SH3GL3: variants seen among roughly 807,000 people sequenced by gnomAD.
The protein encoded by SH3GL3 is endophilin-A3.
In SH3GL3, 33 loss-of-function variants were observed where a neutral mutation model predicts 47.7. That is an observed-to-expected ratio of 0.69 (90% CI 0.52 to 0.92). The LOEUF (loss-of-function observed/expected upper bound fraction) is 0.92. SH3GL3 is among the 40% of genes least tolerant of loss of function. The probability of loss-of-function intolerance (pLI) is 0.00; values close to 1 mark genes in which losing one functional copy is unlikely to be tolerated. For synonymous variants in SH3GL3, 155 were observed against 148.8 expected, an observed-to-expected ratio of 1.04 and a Z score of -0.30; for missense variants, 363 against 417.8, an observed-to-expected ratio of 0.87 and a Z score of 1.14.
At chr15:83,514,369 T>C (rs1431302552) in intron 1 of SH3GL3, among the ~76,000 whole-genome samples, 1 of 151,966 alleles carries the variant, frequency 6.6e-6, no homozygotes, top group Non-Finnish European at 1.5e-5. Context: ...ATATCCACAA[T>C]TTGTTCTCAA....
chr15:83,615,593 T>C (rs2060791350), intron 8 of SH3GL3, among the ~76,000 whole-genome samples: 1 of 152,198 alleles, frequency 6.6e-6, no homozygotes, highest in Non-Finnish European at 1.5e-5. Flanking sequence ...ATTACAGGTG[T>C]GAGCCACCAC....
chr15:83,469,136 CTTA>C (rs972527289), intron 1 of SH3GL3, among the ~76,000 whole-genome samples: 1 of 151,832 alleles, frequency 6.6e-6, no homozygotes, highest in African/African-American at 2.4e-5. Flanking sequence ...ATAGTATTCC[CTTA>C]TTATTGTTTT....
chr15:83,511,155 AG>A (rs1263164350), intron 1 of SH3GL3, among the ~76,000 whole-genome samples: 5 of 150,490 alleles, frequency 3.3e-5, no homozygotes, highest in Non-Finnish European at 7.4e-5. Context: ...AATAAAAAAA[AG>A]AAAGTTGGCC....
At chr15:83,475,081 A>T (rs2041031897) in intron 1 of SH3GL3, among the ~76,000 whole-genome samples, 1 of 151,994 alleles carries the variant, frequency 6.6e-6, no homozygotes, top group African/African-American at 2.4e-5. Context: ...ATTGAGCCTT[A>T]GCTCAATGTA....
chr15:83,582,142 A>G lies in SH3GL3; in HGVS notation c.625-4841A>G, dbSNP rs2059845088. On this transcript the variant is annotated intron_variant, in intron 6 of 8. Transcript: ENST00000427482. The stretch of plus-strand genomic sequence containing the variant: ...CCCATAGGCTTGTTAACACACTGTC[A>G]CCTCTTCTGTCTTTGCAGAGAAGTT... 2.0e-5 allele frequency among the ~76,000 whole-genome samples: 3 copies of G among 152,188 alleles called. No homozygotes were observed. In the South Asian group the frequency reaches 6.2e-4, roughly 32 times the overall value.
chr15:83,615,102 A>C lies in SH3GL3; in HGVS notation c.839-2980A>C, dbSNP rs139010948. Among the ~76,000 whole-genome samples the C allele has an allele frequency of 4.3e-3, 622 of 146,224 alleles. 4 individuals carry two copies. The highest frequency in any genetic ancestry group is 0.016 in the African/African-American group (594 of 37,604). The stretch of plus-strand genomic sequence containing the variant: ...TCAAATAGGATGGCAAAAGTCACTT[A>C]TTAAGAAAAAAAAAAACTCCTAAGA... On this transcript the variant is annotated intron_variant, in intron 8 of 8. Coordinates refer to ENST00000427482, the MANE Select transcript of SH3GL3 (RefSeq NM_003027.5).
intron 8 of SH3GL3, among the ~76,000 whole-genome samples, chr15:83,617,110 A>G (rs1195126472): frequency 6.6e-6 from 1 of 152,172 alleles, no homozygotes; most frequent in Non-Finnish European, 1.5e-5. Context: ...TTCTTTCTCC[A>G]CTTTGCATAC....
rs71156085 is a variant in SH3GL3 at position 83,541,312 on chromosome 15, A to ATTTTTTTTTTTTTTT, written c.46-17916_46-17902dup. Among the ~76,000 whole-genome samples, 11 of 47,362 alleles carry ATTTTTTTTTTTTTTT rather than the reference A, an allele frequency of 2.3e-4. 4 individuals carry two copies. The highest frequency in any genetic ancestry group is 6.1e-4 in the Admixed American group (2 of 3,294). 31.1% of individuals were successfully genotyped at this position (47,362 alleles called of 152,430 possible). ...GATGGCTGGATCATATGGTAATTCT[A>ATTTTTTTTTTTTTTT]TTTTTTTTTTTTTTTTTTTTTTTTT... On this transcript the variant is annotated intron_variant, in intron 1 of 8. Coordinates refer to ENST00000427482, the MANE Select transcript of SH3GL3 (RefSeq NM_003027.5).
intron 1 of SH3GL3, among the ~76,000 whole-genome samples, chr15:83,507,199 A>G (rs552654893): frequency 7.6e-4 from 116 of 151,808 alleles, no homozygotes; most frequent in East Asian, 5.3e-3. Context: ...TAGTAGAGAC[A>G]GGGTTTCACC....
At chr15:83,570,601 C>A (rs1421832889) in intron 4 of SH3GL3, among the ~76,000 whole-genome samples, 1 of 151,928 alleles carries the variant, frequency 6.6e-6, no homozygotes, top group African/African-American at 2.4e-5. Flanking sequence ...TAAGTATTCC[C>A]AAAGAATTTG....
chr15:83,607,835 G>C (rs1035482384), intron 8 of SH3GL3, among the ~76,000 whole-genome samples: 10 of 111,398 alleles, frequency 9.0e-5, no homozygotes, highest in African/African-American at 2.5e-4. Flanking sequence ...AGAACTCAGA[G>C]TGGCAAATAA....
intron 1 of SH3GL3, among the ~76,000 whole-genome samples, chr15:83,481,495 G>A: frequency 6.6e-6 from 1 of 152,108 alleles, no homozygotes; most frequent in African/African-American, 2.4e-5. Context: ...GTTTGGTTTG[G>A]TTCTCCTCAG....
intron 6 of SH3GL3, among the ~76,000 whole-genome samples, chr15:83,585,043 A>G (rs2059922235): frequency 6.6e-6 from 1 of 152,180 alleles, no homozygotes; most frequent in Admixed American, 6.5e-5. Flanking sequence ...AATGCTCATG[A>G]CCTGGGGGAC....
At chr15:83,601,203 G>T (rs1385362698) in intron 8 of SH3GL3, among the ~76,000 whole-genome samples, 3 of 152,174 alleles carry the variant, frequency 2.0e-5, no homozygotes, top group Admixed American at 2.0e-4. Context: ...TCTCTTGTCT[G>T]ATTGCTTTGG....
intron 1 of SH3GL3, among the ~76,000 whole-genome samples, chr15:83,509,900 G>A (rs1403055674): frequency 6.6e-6 from 1 of 152,024 alleles, no homozygotes; most frequent in East Asian, 1.9e-4. Flanking sequence ...AAAACACTGC[G>A]CAAATATGTT....
chr15:83,589,256 A>G (rs950304920), intron 8 of SH3GL3, among the ~76,000 whole-genome samples: 4 of 152,230 alleles, frequency 2.6e-5, no homozygotes, highest in African/African-American at 9.6e-5. Context: ...GTGATCACCT[A>G]CACCATCGCA....
At chr15:83,549,174 T>C (rs1896808) in intron 1 of SH3GL3, among the ~76,000 whole-genome samples, 12,785 of 152,282 alleles carry the variant, frequency 0.084, 601 homozygotes, top group East Asian at 0.17. Flanking sequence ...TTATTCAACA[T>C]ATTTATCATA....
At chr15:83,491,839 T>C (rs1270201041) in intron 1 of SH3GL3, among the ~76,000 whole-genome samples, 2 of 152,092 alleles carry the variant, frequency 1.3e-5, no homozygotes, top group African/African-American at 4.8e-5. Context: ...AACCAACCAA[T>C]GAGAGGGGGC....
intron 1 of SH3GL3, among the ~76,000 whole-genome samples, chr15:83,471,759 G>A (rs2040840080): frequency 6.6e-6 from 1 of 152,160 alleles, no homozygotes; most frequent in South Asian, 2.1e-4. Context: ...TGAGAAATCT[G>A]CTGTAATTCA....
Sources: allele counts gnomAD v4.1 joint callset (sites outside exome capture counted in the v4.1 genomes callset), GRCh38; gene constraint gnomAD v4.1.1; transcripts MANE v1.5; gene names NCBI Gene and HGNC (gene_info 2026-07-23, HGNC 2026-07-21).